GAS2: variants seen among roughly 807,000 people sequenced by gnomAD.
The protein encoded by GAS2 is growth arrest-specific protein 2.
In GAS2, 20 loss-of-function variants were observed where a neutral mutation model predicts 37.5. That is an observed-to-expected ratio of 0.53 (90% CI 0.37 to 0.77). The LOEUF (loss-of-function observed/expected upper bound fraction) is 0.77, where lower values mean the gene tolerates loss of function less well. Among genes scored for constraint, GAS2 ranks in the 30% least tolerant of loss-of-function variants. The probability of loss-of-function intolerance (pLI) is 0.00; values close to 1 mark genes in which losing one functional copy is unlikely to be tolerated. For synonymous variants in GAS2, 144 were observed against 132.2 expected (o/e 1.09, Z -0.61); for missense variants, 336 against 373.4 (o/e 0.90, Z 0.82).
rs1328190094 is a variant in GAS2, at chr11:22,789,431, T to TAAATATATATATATATAA, written c.724-22366_724-22365insAATATATATATATATAAA. ...GTGTGTGTATCTCATATGAGATATA[T>TAAATATATATATATATAA]ATATATATATATATATATATATATT... On this transcript the variant is annotated intron_variant, in intron 7 of 7. Transcript: ENST00000454584. Among the ~76,000 whole-genome samples the TAAATATATATATATATAA allele has an allele frequency of 1.0e-3, 94 of 90,904 alleles. 10 individuals are homozygous for TAAATATATATATATATAA. Among genetic ancestry groups the TAAATATATATATATATAA allele is most frequent in the African/African-American group, 1.6e-3 (38 of 24,046 alleles). 59.6% of individuals were successfully genotyped at this position (90,904 alleles called of 152,430 possible).
chr11:22,787,555 T>A (rs1052831607), intron 7 of GAS2, among the ~76,000 whole-genome samples: 27 of 150,340 alleles, frequency 1.8e-4, no homozygotes, highest in African/African-American at 6.6e-4. Context: ...TGTGCTGGAG[T>A]GACAAGTAGA....
upstream of GAS2, among the ~76,000 whole-genome samples, chr11:22,662,443 C>A (rs1848925848): frequency 6.6e-6 from 1 of 152,126 alleles, no homozygotes; most frequent in African/African-American, 2.4e-5. Flanking sequence ...AATAATCATT[C>A]ATTTCTTTCA....
intron 7 of GAS2, among the ~76,000 whole-genome samples, chr11:22,763,931 T>C (rs1854533916): frequency 6.6e-6 from 1 of 152,220 alleles, no homozygotes; most frequent in African/African-American, 2.4e-5. Context: ...CAAATGCTTT[T>C]AGCTTTTAAT....
chr11:22,673,963 A>T (rs763269701), intron 1 of GAS2, among the ~76,000 whole-genome samples: 51 of 152,352 alleles, frequency 3.3e-4, no homozygotes, highest in Non-Finnish European at 6.0e-4. Context: ...TGGAAAGATA[A>T]AAAACAAGAA....
rs138337398 is a variant in GAS2, at chr11:22,774,717, C to T, written c.723+18764C>T. On this transcript the variant is annotated intron_variant, in intron 7 of 7. Coordinates refer to ENST00000454584, the MANE Select transcript of GAS2 (RefSeq NM_001143830.3). ...CCTTTCATGAATCTTTCATGCAGTA[C>T]ATTTCTTCTGGTTAAATTTGGGGTT... Among the ~76,000 whole-genome samples, 9 of 151,676 alleles carry T rather than the reference C, an allele frequency of 5.9e-5. No individual in the cohort carries two copies. In the East Asian group the frequency reaches 1.7e-3, roughly 29 times the overall value.
intron 3 of GAS2, among the ~76,000 whole-genome samples, chr11:22,687,999 G>GT (rs1265450060): frequency 6.6e-6 from 1 of 152,160 alleles, no homozygotes; most frequent in Non-Finnish European, 1.5e-5. Flanking sequence ...GTTTTGCTTT[G>GT]TTTATAAGCC....
intron 7 of GAS2, among the ~76,000 whole-genome samples, chr11:22,803,714 G>A (rs1856764300): frequency 6.6e-6 from 1 of 152,060 alleles, no homozygotes; most frequent in African/African-American, 2.4e-5. Flanking sequence ...AGTATTATAT[G>A]ATAACAGTAT....
chr11:22,674,807 G>C, intron 1 of GAS2, 43 bp from the exon 2 acceptor site: 3 of 1,437,980 alleles, frequency 2.1e-6, no homozygotes, highest in Non-Finnish European at 2.8e-6. Flanking sequence ...TTTTGTGAGA[G>C]AAGTCTGTAT....
intron 1 of GAS2, among the ~76,000 whole-genome samples, chr11:22,646,620 C>G (rs1565064586): frequency 2.6e-5 from 4 of 152,182 alleles, no homozygotes; most frequent in Admixed American, 2.6e-4. Flanking sequence ...AAACAAAAAT[C>G]TATTTTGAGA....
At chr11:22,735,492 A>G (rs1852705612) in intron 4 of GAS2, among the ~76,000 whole-genome samples, 1 of 151,796 alleles carries the variant, frequency 6.6e-6, no homozygotes, top group Non-Finnish European at 1.5e-5. Context: ...AGAATCATGC[A>G]GTTTCTTCTC....
Position 22,765,172 on chromosome 11 carries a change from T to C in GAS2, c.723+9219T>C, listed in dbSNP as rs567136546. ...TATATGTGTATTTTATATCTAGTGA[T>C]GTTGTGTGTGTGTATATATGTATGT... On this transcript the variant is annotated intron_variant, in intron 7 of 7. Transcript: ENST00000454584. 3.9e-5 allele frequency among the ~76,000 whole-genome samples: 6 copies of C among 152,276 alleles called. No homozygotes were observed. In the East Asian group the frequency reaches 1.2e-3, roughly 29 times the overall value.
intron 5 of GAS2, among the ~76,000 whole-genome samples, chr11:22,739,886 A>G (rs1407478700): frequency 2.0e-5 from 3 of 152,022 alleles, no homozygotes; most frequent in Non-Finnish European, 4.4e-5. Flanking sequence ...TACTGTCTCT[A>G]GAATTAGGTG....
At chr11:22,643,428 CAT>C (rs1443991338) in intron 1 of GAS2, among the ~76,000 whole-genome samples, 1 of 143,696 alleles carries the variant, frequency 7.0e-6, no homozygotes, top group Non-Finnish European at 1.5e-5. Context: ...ACCATTTTTA[CAT>C]GTTTGCCACT....
intron 1 of GAS2, among the ~76,000 whole-genome samples, chr11:22,628,144 A>G (rs1858689380): frequency 1.3e-5 from 2 of 152,196 alleles, no homozygotes; most frequent in African/African-American, 2.4e-5. Context: ...TTCCCCCTCT[A>G]AAGAAAGAAA....
chr11:22,748,981 A>G (rs1853569924), intron 5 of GAS2, 139 bp from the exon 6 acceptor site: 1 of 857,012 alleles, frequency 1.2e-6, no homozygotes, highest in Non-Finnish European at 1.8e-6. Context: ...AGAGCTTACA[A>G]TTTCAATGCC....
At chr11:22,661,067 G>A (rs1848910116) in intron 1 of GAS2, among the ~76,000 whole-genome samples, 1 of 152,136 alleles carries the variant, frequency 6.6e-6, no homozygotes, top group African/African-American at 2.4e-5. Flanking sequence ...TCCTAAATTT[G>A]AAATTATTAG....
rs144756949 is a variant in GAS2 at position 22,629,464 on chromosome 11, A to G, written c.-21+3651A>G. Reference sequence around the variant, plus strand: ...CCCTTTTCACTACATCCATGCCAACATCTATTGTTCTTTGACTTTTTAATA... The same window carrying G: ...CCCTTTTCACTACATCCATGCCAACGTCTATTGTTCTTTGACTTTTTAATA... On this transcript the variant is annotated intron_variant, in intron 1 of 5. Transcript: ENST00000528582. Among the ~76,000 whole-genome samples, 87 of 152,312 alleles carry G rather than the reference A, an allele frequency of 5.7e-4. 1 individual carries two copies. The highest frequency in any genetic ancestry group is 2.1e-3 in the African/African-American group (87 of 41,566).
intron 7 of GAS2, among the ~76,000 whole-genome samples, chr11:22,760,514 G>A (rs1292341121): frequency 1.3e-5 from 2 of 152,100 alleles, no homozygotes; most frequent in Admixed American, 6.6e-5. Context: ...TACCAACAAC[G>A]CAATTCAAAA....
chr11:22,700,503 C>T (rs337458), intron 3 of GAS2, among the ~76,000 whole-genome samples: 27,851 of 151,950 alleles, frequency 0.18, 2,722 homozygotes, highest in East Asian at 0.36. Flanking sequence ...GATCTGAGGA[C>T]GTTAAAAGCA....
Sources: gnomAD v4.1 joint callset for allele counts (sites outside exome capture counted in the v4.1 genomes callset) on GRCh38, gnomAD v4.1.1 for gene constraint, MANE v1.5 for transcripts, NCBI Gene and HGNC (gene_info 2026-07-23, HGNC 2026-07-21) for gene names.